Variants in ADCY5 observed in about 807,000 individuals in gnomAD.
ADCY5 encodes the protein adenylate cyclase 5.
Under a neutral mutation model 119.7 loss-of-function variants are expected in ADCY5, and 30 were observed. The ratio of observed to expected loss-of-function variants is 0.25; its 90% CI spans 0.19 to 0.34. The LOEUF (loss-of-function observed/expected upper bound fraction) is 0.34. ADCY5 is among the 10% of genes least tolerant of loss of function. The probability of loss-of-function intolerance (pLI) is 1.00; values close to 1 mark genes in which losing one functional copy is unlikely to be tolerated. For missense variants in ADCY5, 1,324 were observed against 1,775.2 expected (o/e 0.75, Z 4.57); for synonymous variants, 753 against 762.2 (o/e 0.99, Z 0.20).
At chr3:123,397,675 C>A (rs1413682459) in intron 1 of ADCY5, among the ~76,000 whole-genome samples, 1 of 152,222 alleles carries the variant, frequency 6.6e-6, no homozygotes, top group Non-Finnish European at 1.5e-5. Context: ...TTCCTAGTGT[C>A]TGGTTTAAAT....
chr3:123,448,836 A>C lies in ADCY5; in HGVS notation c.-291T>G. The C allele has an allele frequency of 6.4e-6, 2 of 311,136 alleles. No individual in the cohort carries two copies. The highest frequency in any genetic ancestry group is 2.1e-5 in the African/African-American group (1 of 46,658). 19.3% of individuals were successfully genotyped at this position (311,136 alleles called of 1,614,324 possible). ...ACTGGTCTGGCTGCTGCTGCGCCGCACGCGGAGAGACGTCCGGGATCCTGG... is the reference window on the plus strand; with the variant it reads ...ACTGGTCTGGCTGCTGCTGCGCCGCCCGCGGAGAGACGTCCGGGATCCTGG... On this transcript the variant is annotated 5_prime_UTR_variant, in exon 1 of 21. Coordinates refer to ENST00000462833, the MANE Select transcript of ADCY5 (RefSeq NM_183357.3).
chr3:123,327,517 C>G, intron 7 of ADCY5, 101 bp downstream of exon 7: 1 of 1,267,758 alleles, frequency 7.9e-7, no homozygotes, highest in South Asian at 1.6e-5. Flanking sequence ...ATAAGAAATT[C>G]ATGACTTCAC....
chr3:123,405,724 T>TC (rs1944881625), intron 1 of ADCY5, among the ~76,000 whole-genome samples: 1 of 152,180 alleles, frequency 6.6e-6, no homozygotes, highest in South Asian at 2.1e-4. Context: ...AACCTCCACC[T>TC]CCCAGGTTCA....
intron 1 of ADCY5, among the ~76,000 whole-genome samples, chr3:123,424,461 G>A (rs79684696): frequency 0.15 from 23,295 of 152,196 alleles, 2,093 homozygotes; most frequent in Admixed American, 0.24. Context: ...GGTGCTCAGA[G>A]GTCCCAATTC....
intron 17 of ADCY5, among the ~76,000 whole-genome samples, chr3:123,294,662 G>A (rs1488180109): frequency 2.0e-5 from 3 of 152,192 alleles, no homozygotes; most frequent in African/African-American, 7.2e-5. Context: ...ACTGCAGACT[G>A]GAACAGCTCG....
Position 123,303,221 on chromosome 3 carries a change from TG to T in ADCY5, c.2560-3del. On this transcript the variant is annotated splice_polypyrimidine_tract_variant and splice_region_variant and intron_variant, in intron 13 of 20. Coordinates refer to ENST00000462833, the MANE Select transcript of ADCY5 (RefSeq NM_183357.3). ...CAGGTCCCTGGAGTTGCACGTGAAC[TG>T]GGGGGAGGAAGGAGGGTGATGAGGG... 6.2e-7 allele frequency: 1 copy of T among 1,611,380 alleles called. No homozygotes were observed. The highest frequency in any genetic ancestry group is 8.5e-7 in the Non-Finnish European group (1 of 1,178,330).
At chr3:123,285,127 G>A (rs1182022963) in intron 20 of ADCY5, among the ~76,000 whole-genome samples, 1 of 152,138 alleles carries the variant, frequency 6.6e-6, no homozygotes, top group East Asian at 1.9e-4. Flanking sequence ...GTGTGTCCCC[G>A]GTGCATTGTA....
chr3:123,362,699 T>C (rs1196961970), intron 1 of ADCY5, among the ~76,000 whole-genome samples: 4 of 152,076 alleles, frequency 2.6e-5, no homozygotes, highest in Admixed American at 2.6e-4. Flanking sequence ...ACGGAAGTGG[T>C]TGGGAGGACA....
At chr3:123,304,233 A>G (rs890226315) in intron 12 of ADCY5, 50 bp from the exon 13 acceptor site, 24 of 1,212,418 alleles carry the variant, frequency 2.0e-5, no homozygotes, top group African/African-American at 3.0e-5. Flanking sequence ...ACGGAATAGC[A>G]TTCAGCAAGG....
At chr3:123,358,850 G>C (rs1943137461) in intron 1 of ADCY5, among the ~76,000 whole-genome samples, 1 of 152,224 alleles carries the variant, frequency 6.6e-6, no homozygotes, top group South Asian at 2.1e-4. Context: ...CCAAGAGTGG[G>C]AAGTTACAGT....
chr3:123,318,947 T>C lies in ADCY5; in HGVS notation c.2256+727A>G, dbSNP rs1337699846. ...GACTGTCCCTGCCAACTTTAACACC[T>C]TGAGGTCCCAATGTGACAAAGCAGT... On this transcript the variant is annotated intron_variant, in intron 10 of 20. Transcript: ENST00000462833. Among the ~76,000 whole-genome samples, 4 of 152,136 alleles carry C rather than the reference T, an allele frequency of 2.6e-5. No homozygotes were observed. In the South Asian group the frequency reaches 6.2e-4, roughly 24 times the overall value.
Position 123,447,516 on chromosome 3 carries a change from G to A in ADCY5, c.1030C>T (p.Pro344Ser), listed in dbSNP as rs1342671923. The change falls in exon 1 of 21, where the codon CCC (proline) becomes TCC (serine). Residue 344 changes from proline to serine, a missense_variant. Pro to Ser is a moderately conservative substitution (Grantham distance 74). Around this residue, in one of 6 missense-constraint regions of ADCY5, gnomAD observed 585 missense variants for 569.9 expected, o/e 1.03. Coordinates refer to ENST00000462833, the MANE Select transcript of ADCY5 (RefSeq NM_183357.3). ...AGCACTGCGGCCCGCATGCGCACGG[G>A]CAGCAGCGTGTAGATGGTGTAGATG... ...FFIYTIYTLLPVRMRAAVLSG... is the reference protein window; with the variant it reads ...FFIYTIYTLLSVRMRAAVLSG... The A allele has an allele frequency of 2.5e-6, 4 of 1,611,250 alleles. No individual in the cohort carries two copies. The highest frequency in any genetic ancestry group is 1.3e-5 in the African/African-American group (1 of 74,934).
At chr3:123,326,705 T>C (rs1455500094) in intron 7 of ADCY5, among the ~76,000 whole-genome samples, 1 of 152,138 alleles carries the variant, frequency 6.6e-6, no homozygotes, top group Non-Finnish European at 1.5e-5. Context: ...TCCTGGTGCC[T>C]GTGGAGGGTC....
At chr3:123,315,200 T>TG (rs1190734054) in intron 11 of ADCY5, among the ~76,000 whole-genome samples, 2 of 152,152 alleles carry the variant, frequency 1.3e-5, no homozygotes, top group East Asian at 1.9e-4. Flanking sequence ...TAAAAGCCCG[T>TG]GGGGGGCGTG....
In ADCY5 at chr3:123,442,909, G is replaced by A. The variant is rs372895190; in HGVS notation, c.1134+4503C>T. ...AAGAGAAGCAGACCCTCCTCCACTC[G>A]AAACCCAAAGCCAACCCCCAACCCC... On this transcript the variant is annotated intron_variant, in intron 1 of 20. Coordinates refer to ENST00000462833, the MANE Select transcript of ADCY5 (RefSeq NM_183357.3). Among the ~76,000 whole-genome samples the A allele has an allele frequency of 4.6e-5, 7 of 152,168 alleles. No individual in the cohort carries two copies. The South Asian group carries it at 6.2e-4, about 14-fold the overall frequency.
At position 123,317,902 on chromosome 3, in the gene ADCY5, G is replaced by A. The variant is rs558664262; in HGVS notation, c.2354+118C>T. On this transcript the variant is annotated intron_variant, in intron 11 of 20. Coordinates refer to ENST00000462833, the MANE Select transcript of ADCY5 (RefSeq NM_183357.3). Reference sequence around the variant, plus strand: ...AGGGCACACTCAGAAACTTCTCTCCGTGCCTGAGCAAGTGCAGGCCAGACT... The same window carrying A: ...AGGGCACACTCAGAAACTTCTCTCCATGCCTGAGCAAGTGCAGGCCAGACT... The A allele has an allele frequency of 1.2e-4, 105 of 904,260 alleles. 1 individual carries two copies. Among genetic ancestry groups the A allele is most frequent in the African/African-American group, 9.9e-4 (60 of 60,856 alleles). 56.0% of individuals were successfully genotyped at this position (904,260 alleles called of 1,614,324 possible). A position where few individuals can be genotyped will look rare whatever the true frequency, so the allele number is the denominator to read the frequency against.
intron 1 of ADCY5, among the ~76,000 whole-genome samples, chr3:123,377,771 A>T (rs1943885464): frequency 6.6e-6 from 1 of 152,030 alleles, no homozygotes; most frequent in Admixed American, 6.6e-5. Context: ...CTCTACTAAA[A>T]ATACAAAAAT....
chr3:123,447,655 G>A lies in ADCY5; in HGVS notation c.891C>T (p.His297=). ...LCNRAAFHQD[H]MGLACYALIA... ...TGAGCGCATAGCAGGCCAGGCCCAT[G>A]TGGTCCTGGTGGAAGGCGGCGCGGT... The change falls in exon 1 of 21, where the codon CAC becomes CAT. Residue 297 remains histidine (H), a synonymous_variant. Coordinates refer to ENST00000462833, the MANE Select transcript of ADCY5 (RefSeq NM_183357.3). 1 of 1,607,414 alleles carries A rather than the reference G, an allele frequency of 6.2e-7. No homozygotes were observed. Among genetic ancestry groups the A allele is most frequent in the Non-Finnish European group, 8.5e-7 (1 of 1,176,854 alleles).
At chr3:123,290,208 A>G (rs1281208428) in intron 18 of ADCY5, among the ~76,000 whole-genome samples, 1 of 152,180 alleles carries the variant, frequency 6.6e-6, no homozygotes, top group Non-Finnish European at 1.5e-5. Flanking sequence ...GGAGCCCTGA[A>G]GACAAGGTCA....
Sources: gnomAD v4.1 joint callset for allele counts (sites outside exome capture counted in the v4.1 genomes callset) on GRCh38, gnomAD v4.1.1 for gene constraint, gnomAD v4.1.1 regional missense constraint, MANE v1.5 for transcripts, NCBI Gene and HGNC (gene_info 2026-07-23, HGNC 2026-07-21) for gene names.